The following ADAM18 variants were observed in gnomAD, a reference collection of about 807,000 sequenced individuals.
ADAM18 encodes disintegrin and metalloproteinase domain-containing protein 18.
Under a neutral mutation model 94.4 loss-of-function variants are expected in ADAM18, and 117 were observed. The observed-to-expected ratio is 1.24, with a 90% CI of 1.07 to 1.45. The LOEUF is 1.45. ADAM18 is among the 40% of genes most tolerant of loss of function. The pLI is 0.00. For missense variants in ADAM18, 936 were observed against 880.0 expected, an observed-to-expected ratio of 1.06 and a Z score of -0.81; for synonymous variants, 327 against 291.6, an observed-to-expected ratio of 1.12 and a Z score of -1.24.
chr8:39,680,203 G>A lies in ADAM18; in HGVS notation c.1798G>A (p.Gly600Ser). The change falls in exon 16 of 20, where the codon GGC (glycine) becomes AGC (serine). Residue 600 changes from glycine (G) to serine (S), a missense_variant. Gly to Ser is a moderately conservative substitution (Grantham distance 56). Coordinates refer to ENST00000265707, the MANE Select transcript of ADAM18 (RefSeq NM_014237.3). ...AACAGACAATGCCTATGTGGCTGAT[G>A]GCACCATGTGTGGTCCAGAAATGGT... ...DGTDNAYVADGTMCGPEMYCV... is the reference protein window; with the variant it reads ...DGTDNAYVADSTMCGPEMYCV... The A allele has an allele frequency of 6.2e-7, 1 of 1,612,640 alleles. No individual in the cohort carries two copies. Among genetic ancestry groups the A allele is most frequent in the South Asian group, 1.1e-5 (1 of 90,856 alleles).
chr8:39,640,546 T>C (rs147189951), intron 10 of ADAM18, among the ~76,000 whole-genome samples: 16 of 152,318 alleles, frequency 1.1e-4, no homozygotes, highest in African/African-American at 3.4e-4. Context: ...ATATAGTTAG[T>C]AATGGGATTC....
At chr8:39,617,744 C>A (rs1214649466) in intron 6 of ADAM18, among the ~76,000 whole-genome samples, 2 of 152,034 alleles carry the variant, frequency 1.3e-5, no homozygotes, top group Admixed American at 1.3e-4. Context: ...GAAATAGTAA[C>A]TCAAATACCA....
At chr8:39,626,330 G>C (rs1819768012) in intron 6 of ADAM18, among the ~76,000 whole-genome samples, 1 of 151,938 alleles carries the variant, frequency 6.6e-6, no homozygotes, top group African/African-American at 2.4e-5. Context: ...TGGTCTATTA[G>C]TTTTGTTAAT....
At chr8:39,655,558 A>G (rs959354801) in intron 12 of ADAM18, among the ~76,000 whole-genome samples, 1 of 152,142 alleles carries the variant, frequency 6.6e-6, no homozygotes, top group East Asian at 1.9e-4. Context: ...AACATCATGC[A>G]TAACAGTTGT....
intron 7 of ADAM18, among the ~76,000 whole-genome samples, chr8:39,635,630 T>C (rs986526239): frequency 9.9e-5 from 15 of 152,190 alleles, no homozygotes; most frequent in African/African-American, 3.4e-4. Context: ...TTTTTCCTAA[T>C]TCAGTCCTCA....
chr8:39,721,236 T>G lies in ADAM18; in HGVS notation c.2018-2512T>G, dbSNP rs555263176. Reference sequence around the variant, plus strand: ...GGATAGCCACATGCAGAAGAAAAAATCTATGTATTTCAACATATACAAGAA... The same window carrying G: ...GGATAGCCACATGCAGAAGAAAAAAGCTATGTATTTCAACATATACAAGAA... On this transcript the variant is annotated intron_variant, in intron 18 of 19. Transcript: ENST00000265707. 1.3e-4 allele frequency among the ~76,000 whole-genome samples: 20 copies of G among 151,420 alleles called. No individual in the cohort carries two copies. The South Asian group carries it at 4.1e-3, about 31-fold the overall frequency.
At chr8:39,681,679 T>C (rs528265958) in intron 16 of ADAM18, among the ~76,000 whole-genome samples, 1 of 152,276 alleles carries the variant, frequency 6.6e-6, no homozygotes, top group Admixed American at 6.5e-5. Flanking sequence ...AAGCTCATAT[T>C]GCCTGAAACA....
intron 16 of ADAM18, among the ~76,000 whole-genome samples, chr8:39,681,551 T>C (rs543445467): frequency 5.6e-4 from 85 of 152,324 alleles, no homozygotes; most frequent in African/African-American, 1.8e-3. Context: ...AGAAAACTGA[T>C]GCAGATTTGA....
chr8:39,615,034 A>G (rs1819397790), intron 6 of ADAM18, among the ~76,000 whole-genome samples: 1 of 152,180 alleles, frequency 6.6e-6, no homozygotes, highest in Non-Finnish European at 1.5e-5. Context: ...CACTGACAGC[A>G]TTAGACAAAA....
chr8:39,707,901 C>G lies in ADAM18; in HGVS notation c.2017+997C>G, dbSNP rs1483536372. Among the ~76,000 whole-genome samples, 3 of 152,158 alleles carry G rather than the reference C, an allele frequency of 2.0e-5. No homozygotes were observed. In the East Asian group the frequency reaches 5.8e-4, roughly 29 times the overall value. On this transcript the variant is annotated intron_variant, in intron 18 of 19. Transcript: ENST00000265707. ...TCTTTGGCATATACAAATTGATGAC[C>G]TCACTAATCTTGCCCTTTGGGATCA...
intron 11 of ADAM18, among the ~76,000 whole-genome samples, 185 bp downstream of exon 11, chr8:39,645,659 TTGTC>T (rs1185376661): frequency 4.6e-5 from 7 of 152,198 alleles, no homozygotes; most frequent in East Asian, 3.8e-4. Flanking sequence ...ATCTATATCT[TTGTC>T]TGTGCACACA....
intron 17 of ADAM18, among the ~76,000 whole-genome samples, chr8:39,704,940 G>A (rs1295598154): frequency 6.6e-6 from 1 of 152,062 alleles, no homozygotes; most frequent in East Asian, 1.9e-4. Flanking sequence ...TGGGGAACTG[G>A]AATAACACTT....
At chr8:39,626,518 G>A (rs1819772244) in intron 6 of ADAM18, among the ~76,000 whole-genome samples, 1 of 151,784 alleles carries the variant, frequency 6.6e-6, no homozygotes, top group Non-Finnish European at 1.5e-5. Flanking sequence ...TGGTCTTTCA[G>A]TCTTTTTGAT....
chr8:39,687,823 T>C (rs1821648970), intron 16 of ADAM18, among the ~76,000 whole-genome samples: 1 of 152,224 alleles, frequency 6.6e-6, no homozygotes, highest in Non-Finnish European at 1.5e-5. Flanking sequence ...TGTGACTGCA[T>C]AGTATTCCAT....
intron 12 of ADAM18, among the ~76,000 whole-genome samples, chr8:39,649,461 T>C (rs1820468058): frequency 1.3e-5 from 2 of 152,202 alleles, no homozygotes. Context: ...TGTGCTCATC[T>C]TGCAGTCTCC....
intron 12 of ADAM18, among the ~76,000 whole-genome samples, chr8:39,653,527 C>A (rs748288810): frequency 9.2e-5 from 14 of 152,116 alleles, no homozygotes; most frequent in Non-Finnish European, 2.1e-4. Flanking sequence ...TCCATAATTT[C>A]ACAACCTCTC....
At chr8:39,640,302 T>C (rs1331287964) in intron 10 of ADAM18, among the ~76,000 whole-genome samples, 1 of 152,096 alleles carries the variant, frequency 6.6e-6, no homozygotes. Flanking sequence ...GTTCCTGCAT[T>C]AGTTTGCTGA....
chr8:39,683,916 C>T (rs544041354), intron 16 of ADAM18, among the ~76,000 whole-genome samples: 1 of 152,222 alleles, frequency 6.6e-6, no homozygotes, highest in African/African-American at 2.4e-5. Flanking sequence ...ATGGGAGGAT[C>T]AGTTGAGCTC....
intron 17 of ADAM18, among the ~76,000 whole-genome samples, chr8:39,700,801 T>G (rs1822045897): frequency 6.6e-6 from 1 of 152,002 alleles, no homozygotes; most frequent in Non-Finnish European, 1.5e-5. Context: ...TTAGAATAAT[T>G]GATTATATTT....
Sources: gnomAD v4.1 joint callset for allele counts (sites outside exome capture counted in the v4.1 genomes callset) on GRCh38, gnomAD v4.1.1 for gene constraint, MANE v1.5 for transcripts, NCBI Gene and HGNC (gene_info 2026-07-23, HGNC 2026-07-21) for gene names.